Variants in IL13RA1 observed in about 807,000 individuals in gnomAD.
IL13RA1 encodes interleukin 13 receptor subunit alpha 1, also known as interleukin-13 receptor subunit alpha-1.
Under a neutral mutation model 33.8 loss-of-function variants are expected in IL13RA1, and 14 were observed. The ratio of observed to expected loss-of-function variants is 0.41; its 90% CI spans 0.27 to 0.65. The LOEUF is 0.65. Ranked by LOEUF, IL13RA1 falls within the 30% of genes least tolerant of loss-of-function variation. The probability of loss-of-function intolerance (pLI) is 0.28; values close to 1 mark genes in which losing one functional copy is unlikely to be tolerated. For missense variants in IL13RA1, 313 were observed against 327.0 expected, an observed-to-expected ratio of 0.96 and a Z score of 0.33; for synonymous variants, 116 against 115.7, an observed-to-expected ratio of 1.00 and a Z score of -0.02.
chrX:118,782,767 ATTTT>A (rs35301680), intron 10 of IL13RA1, among the ~76,000 whole-genome samples: 93 of 99,296 alleles, frequency 9.4e-4, no homozygotes, highest in South Asian at 4.7e-4. Flanking sequence ...CCAGCTAATA[ATTTT>A]TTTTTTTTTT....
At chrX:118,747,662 A>ATTGTC (rs2017421738) in intron 3 of IL13RA1, among the ~76,000 whole-genome samples, 2 of 111,656 alleles carry the variant, frequency 1.8e-5, no homozygotes, top group African/African-American at 6.5e-5. Flanking sequence ...TCTAGACAAG[A>ATTGTC]TAGTACAAGA....
intron 8 of IL13RA1, among the ~76,000 whole-genome samples, chrX:118,772,193 A>T (rs1394809792): frequency 8.9e-6 from 1 of 112,677 alleles, no homozygotes; most frequent in Non-Finnish European, 1.9e-5. Context: ...GGGATCTTTG[A>T]GGGAAAGTAA....
rs1442981248 is a variant in IL13RA1 at position 118,747,086 on chromosome X, C to A, written c.361C>A (p.Pro121Thr). The stretch of plus-strand genomic sequence containing the variant: ...TTTGGTTGAAAAATGCATCTCACCC[C>A]CAGAAGGTAACAACTGAAAGCGCTA... ...SILVEKCISP[P>T]EGDPESAVTE... The change falls in exon 3 of 11, where the codon CCA becomes ACA. Residue 121 changes from proline to threonine, a missense_variant. Physicochemically the swap from Pro to Thr is conservative, Grantham distance 38. Transcript: ENST00000371666. 8.6e-7 allele frequency: 1 copy of A among 1,157,520 alleles called. No homozygotes were observed. Among genetic ancestry groups the A allele is most frequent in the Admixed American group, 2.2e-5 (1 of 44,932 alleles).
chrX:118,785,764 T>TATTAGAGATG (rs1479906225), intron 10 of IL13RA1, among the ~76,000 whole-genome samples: 2 of 110,679 alleles, frequency 1.8e-5, no homozygotes, highest in Non-Finnish European at 3.8e-5. Context: ...GAGATGGGGT[T>TATTAGAGATG]GCACCATGTT....
chrX:118,791,621 CA>C (rs11318857), intron 10 of IL13RA1, 140 bp from the exon 11 acceptor site: 32,630 of 196,398 alleles, frequency 0.17, 597 homozygotes, highest in Middle Eastern at 0.31. Context: ...ATTCTTAGGT[CA>C]AAAAAAAAAA....
chrX:118,782,833 C>T (rs1225933883), intron 10 of IL13RA1, among the ~76,000 whole-genome samples: 1 of 109,503 alleles, frequency 9.1e-6, no homozygotes, highest in African/African-American at 3.3e-5. Flanking sequence ...AACTCCTGGG[C>T]TCAAATGATC....
At chrX:118,800,950 C>T in the IL13RA1 span, among the ~76,000 whole-genome samples, 1 of 111,048 alleles carries the variant, frequency 9.0e-6, no homozygotes, top group Non-Finnish European at 1.9e-5. Context: ...CCATGCTCAG[C>T]TGTTAATTTT....
intron 4 of IL13RA1, among the ~76,000 whole-genome samples, chrX:118,750,135 A>G (rs759475804): frequency 9.0e-6 from 1 of 110,808 alleles, no homozygotes; most frequent in South Asian, 3.8e-4. Flanking sequence ...TTTTACATGC[A>G]CTCGTGTGTG....
At chrX:118,773,318 C>T (rs943095048) in intron 8 of IL13RA1, among the ~76,000 whole-genome samples, 7 of 111,458 alleles carry the variant, frequency 6.3e-5, no homozygotes, top group Non-Finnish European at 1.3e-4. Context: ...TAGGGAAACC[C>T]CGTCTCTACT....
rs1279396645 is a variant in IL13RA1 at position 118,758,049 on chromosome X, T to C, written c.489-6T>C. The C allele has an allele frequency of 6.3e-6, 7 of 1,109,761 alleles. No individual in the cohort carries two copies. Among genetic ancestry groups the C allele is most frequent in the Non-Finnish European group, 7.4e-6 (6 of 812,326 alleles). The allele number at this position is 1,109,761 out of a possible 1,213,427, so 91.5% of individuals were successfully genotyped here. On this transcript the variant is annotated splice_polypyrimidine_tract_variant and splice_region_variant and intron_variant, in intron 4 of 10. Coordinates refer to ENST00000371666, the MANE Select transcript of IL13RA1 (RefSeq NM_001560.3). Reference sequence around the variant, plus strand: ...ATGCAGAAGATTGTCTCATTTTATCTTGTAGGCACAGAAGCCTGGAAAAAA... The same window carrying C: ...ATGCAGAAGATTGTCTCATTTTATCCTGTAGGCACAGAAGCCTGGAAAAAA...
chrX:118,800,917 G>T, the IL13RA1 span, among the ~76,000 whole-genome samples: 12 of 111,560 alleles, frequency 1.1e-4, no homozygotes, highest in Non-Finnish European at 2.1e-4. Context: ...CTTCCGAGTA[G>T]CTGGGACTAC....
At chrX:118,760,071 A>G (rs927877360) in intron 5 of IL13RA1, among the ~76,000 whole-genome samples, 4 of 112,444 alleles carry the variant, frequency 3.6e-5, no homozygotes, top group Non-Finnish European at 7.5e-5. Context: ...AACACACAAC[A>G]TTAAAATTAC....
chrX:118,774,496 G>A (rs2017761342), intron 9 of IL13RA1, among the ~76,000 whole-genome samples: 1 of 111,978 alleles, frequency 8.9e-6, no homozygotes, highest in Admixed American at 9.5e-5. Flanking sequence ...GTTTTCCAGG[G>A]CTCCCTGCTC....
At chrX:118,761,059 G>T in intron 5 of IL13RA1, 79 bp from the exon 6 acceptor site, 1 of 452,426 alleles carries the variant, frequency 2.2e-6, no homozygotes, top group South Asian at 6.1e-5. Context: ...TGGAATCCAT[G>T]GATATGGAGG....
At chrX:118,737,300 G>A (rs762938049) in intron 1 of IL13RA1, among the ~76,000 whole-genome samples, 2 of 112,591 alleles carry the variant, frequency 1.8e-5, no homozygotes. Context: ...GACATTGATT[G>A]AAATTTATGG....
In IL13RA1 at chrX:118,791,023, A is replaced by T. The variant is rs773774993; in HGVS notation, c.1192-739A>T. Among the ~76,000 whole-genome samples the T allele has an allele frequency of 9.8e-5, 11 of 112,187 alleles. No homozygotes were observed. In the East Asian group the frequency reaches 3.1e-3, roughly 31 times the overall value. The stretch of plus-strand genomic sequence containing the variant: ...CAATATGAAACAAAGACCAGCATTC[A>T]GCCGGATTTGACCTGTGGACCATAG... On this transcript the variant is annotated intron_variant, in intron 10 of 10. Transcript: ENST00000371666.
chrX:118,783,422 A>G (rs1204921999), intron 10 of IL13RA1, among the ~76,000 whole-genome samples: 3 of 112,012 alleles, frequency 2.7e-5, no homozygotes, highest in Non-Finnish European at 5.6e-5. Flanking sequence ...AGACAGGCAT[A>G]TAATTCACAG....
At chrX:118,787,677 A>G (rs907484890) in intron 10 of IL13RA1, among the ~76,000 whole-genome samples, 1 of 111,737 alleles carries the variant, frequency 8.9e-6, no homozygotes, top group African/African-American at 3.3e-5. Context: ...CCTCCTGGGA[A>G]TGCATTCTTT....
intron 8 of IL13RA1, chrX:118,770,560 C>T: frequency 1.9e-6 from 1 of 527,230 alleles, no homozygotes; most frequent in Admixed American, 2.4e-5. Context: ...GGCAGCGCTG[C>T]CCACGTTCCG....
Sources: gnomAD v4.1 joint callset for allele counts (sites outside exome capture counted in the v4.1 genomes callset) on GRCh38, gnomAD v4.1.1 for gene constraint, MANE v1.5 for transcripts, NCBI Gene and HGNC (gene_info 2026-07-23, HGNC 2026-07-21) for gene names.